EEFSEC: variants seen among roughly 807,000 people sequenced by gnomAD.
The protein encoded by EEFSEC is eukaryotic elongation factor, selenocysteine-tRNA specific.
EEFSEC carries 43 observed loss-of-function variants against 42.1 expected under a neutral mutation model. That is an observed-to-expected ratio of 1.02 (90% CI 0.80 to 1.32). The LOEUF is 1.32. Among genes scored for constraint, EEFSEC ranks in the 40% most tolerant of loss-of-function variants. EEFSEC has a pLI of 0.00. For synonymous variants in EEFSEC, 354 were observed against 339.1 expected (o/e 1.04, Z -0.48); for missense variants, 745 against 803.6 (o/e 0.93, Z 0.88).
At chr3:128,235,865 C>CA (rs61622539) in intron 1 of EEFSEC, among the ~76,000 whole-genome samples, 128,484 of 152,036 alleles carry the variant, frequency 0.85, 54,673 homozygotes, top group East Asian at 0.99. Context: ...GGCCATTTGC[C>CA]GTTGTGCTGC....
At chr3:128,329,922 T>C (rs778431707) in intron 4 of EEFSEC, among the ~76,000 whole-genome samples, 3 of 152,182 alleles carry the variant, frequency 2.0e-5, no homozygotes, top group Non-Finnish European at 2.9e-5. Flanking sequence ...GGCTCTTTGC[T>C]CAGGCCCAGG....
chr3:128,373,962 G>A (rs1559946127), intron 6 of EEFSEC, among the ~76,000 whole-genome samples: 1 of 152,190 alleles, frequency 6.6e-6, no homozygotes, highest in Non-Finnish European at 1.5e-5. Context: ...ACTTGGCCAG[G>A]CTGGGAAGGG....
chr3:128,211,204 G>T (rs567016400), intron 1 of EEFSEC, among the ~76,000 whole-genome samples: 8 of 152,182 alleles, frequency 5.3e-5, no homozygotes, highest in Non-Finnish European at 1.0e-4. Context: ...CTTAGTTGTT[G>T]TGTGTTAACC....
At chr3:128,237,150 A>G (rs2066021305) in intron 1 of EEFSEC, among the ~76,000 whole-genome samples, 1 of 152,272 alleles carries the variant, frequency 6.6e-6, no homozygotes, top group Non-Finnish European at 1.5e-5. Context: ...ATATTAAGGA[A>G]AACAGTCCTT....
Position 128,380,622 on chromosome 3 carries a change from CA to C in EEFSEC, c.1600+22250del, listed in dbSNP as rs2067764493. Among the ~76,000 whole-genome samples, 16 of 152,356 alleles carry C rather than the reference CA, an allele frequency of 1.1e-4. No individual in the cohort carries two copies. In the South Asian group the frequency reaches 3.3e-3, roughly 32 times the overall value. On this transcript the variant is annotated intron_variant, in intron 6 of 6. Coordinates refer to ENST00000254730, the MANE Select transcript of EEFSEC (RefSeq NM_021937.5). ...TTTACGTTTTACATACTTGGTTTCACACTGACCCAGGTGTTATTAGAACACT... is the reference window on the plus strand; with the variant it reads ...TTTACGTTTTACATACTTGGTTTCACCTGACCCAGGTGTTATTAGAACACT...
intron 1 of EEFSEC, among the ~76,000 whole-genome samples, chr3:128,242,620 A>G (rs560916682): frequency 2.0e-5 from 3 of 152,286 alleles, no homozygotes; most frequent in Middle Eastern, 3.4e-3. Context: ...GGAAAATTAC[A>G]CCTCACAGAT....
chr3:128,400,004 A>C (rs1161538713), intron 6 of EEFSEC, among the ~76,000 whole-genome samples: 1 of 152,088 alleles, frequency 6.6e-6, no homozygotes, highest in East Asian at 1.9e-4. Context: ...GTTGATGTCA[A>C]CCATAGCCTC....
chr3:128,308,858 A>T (rs555467294), intron 4 of EEFSEC, among the ~76,000 whole-genome samples: 1 of 152,356 alleles, frequency 6.6e-6, no homozygotes, highest in East Asian at 1.9e-4. Context: ...CTGCAGGTGC[A>T]TAGAGCCGGA....
chr3:128,358,399 T>C, intron 6 of EEFSEC, 26 bp downstream of exon 6: 4 of 1,613,218 alleles, frequency 2.5e-6, no homozygotes, highest in East Asian at 2.2e-5. Flanking sequence ...TCCTCCCGGT[T>C]TAGGGACACC....
At chr3:128,414,721 A>G in the EEFSEC span, among the ~76,000 whole-genome samples, 1 of 152,226 alleles carries the variant, frequency 6.6e-6, no homozygotes, top group Non-Finnish European at 1.5e-5. Flanking sequence ...CTTCACCGCC[A>G]TCATCATCAG....
At chr3:128,213,098 C>A (rs925364309) in intron 1 of EEFSEC, among the ~76,000 whole-genome samples, 4 of 152,222 alleles carry the variant, frequency 2.6e-5, no homozygotes, top group African/African-American at 4.8e-5. Context: ...GGTGGTATTT[C>A]TCCCAAGGAA....
chr3:128,310,525 C>A (rs899681524), intron 4 of EEFSEC, among the ~76,000 whole-genome samples: 3 of 152,174 alleles, frequency 2.0e-5, no homozygotes, highest in Admixed American at 6.5e-5. Flanking sequence ...ACAGGAGGCC[C>A]ACAGAGAGAG....
At chr3:128,372,467 C>G (rs887089999) in intron 6 of EEFSEC, among the ~76,000 whole-genome samples, 2 of 152,194 alleles carry the variant, frequency 1.3e-5, no homozygotes, top group African/African-American at 4.8e-5. Context: ...TTGGATTCAC[C>G]ACAACACTTA....
intron 1 of EEFSEC, among the ~76,000 whole-genome samples, chr3:128,234,772 T>C (rs1229714806): frequency 6.6e-6 from 1 of 152,214 alleles, no homozygotes; most frequent in African/African-American, 2.4e-5. Flanking sequence ...GATGACTTGA[T>C]GTGTGCACAG....
At chr3:128,183,096 C>T (rs2065429118) in intron 1 of EEFSEC, among the ~76,000 whole-genome samples, 1 of 152,112 alleles carries the variant, frequency 6.6e-6, no homozygotes, top group Non-Finnish European at 1.5e-5. Flanking sequence ...GAACTTAAGG[C>T]TTACCATGAG....
At chr3:128,184,895 G>A (rs1209298534) in intron 1 of EEFSEC, among the ~76,000 whole-genome samples, 1 of 152,078 alleles carries the variant, frequency 6.6e-6, no homozygotes, top group Admixed American at 6.5e-5. Flanking sequence ...GTCTGGCATG[G>A]CATGATGGCT....
chr3:128,408,554 T>A lies in EEFSEC; in HGVS notation c.*295T>A. On this transcript the variant is annotated 3_prime_UTR_variant, in exon 7 of 7. Coordinates refer to ENST00000254730, the MANE Select transcript of EEFSEC (RefSeq NM_021937.5). Reference sequence around the variant, plus strand: ...AGCCAGTATCTTCCACTGCCCCATCTGTTGGCCACCTGCAGGCCAGTCTCA... The same window carrying A: ...AGCCAGTATCTTCCACTGCCCCATCAGTTGGCCACCTGCAGGCCAGTCTCA... The A allele has an allele frequency of 3.1e-6, 1 of 319,246 alleles. No individual in the cohort carries two copies. 19.8% of individuals were successfully genotyped at this position (319,246 alleles called of 1,614,324 possible). A position where few individuals can be genotyped will look rare whatever the true frequency, so the allele number is the denominator to read the frequency against.
intron 6 of EEFSEC, among the ~76,000 whole-genome samples, chr3:128,379,082 C>T (rs2067743496): frequency 6.6e-6 from 1 of 152,222 alleles, no homozygotes; most frequent in Non-Finnish European, 1.5e-5. Context: ...CCCGCCACTG[C>T]CCTTTGTGGA....
chr3:128,395,522 C>A (rs2067970866), intron 6 of EEFSEC, among the ~76,000 whole-genome samples: 1 of 152,218 alleles, frequency 6.6e-6, no homozygotes. Context: ...GCATCCAAGT[C>A]TCCCTCTATC....
Sources: allele counts gnomAD v4.1 joint callset (sites outside exome capture counted in the v4.1 genomes callset), GRCh38; gene constraint gnomAD v4.1.1; transcripts MANE v1.5; gene names NCBI Gene and HGNC (gene_info 2026-07-23, HGNC 2026-07-21).